The following FOXN3 variants were observed in gnomAD, a reference collection of about 807,000 sequenced individuals.
FOXN3 encodes the protein forkhead box N3.
A neutral mutation model predicts 38.4 loss-of-function variants in FOXN3; 7 were observed. That is an observed-to-expected ratio of 0.18 (90% CI 0.10 to 0.34). The LOEUF (loss-of-function observed/expected upper bound fraction) is 0.34. FOXN3 is among the 10% of genes least tolerant of loss of function. The pLI is 1.00. For missense variants in FOXN3, 456 were observed against 613.4 expected (o/e 0.74, Z 2.71); for synonymous variants, 230 against 242.2 (o/e 0.95, Z 0.47).
At chr14:89,251,216 A>ATTT (rs1262406392) in intron 4 of FOXN3, among the ~76,000 whole-genome samples, 1 of 152,140 alleles carries the variant, frequency 6.6e-6, no homozygotes, top group Non-Finnish European at 1.5e-5. Context: ...CCTTCTTCCC[A>ATTT]CATATCCTAC....
At chr14:89,266,910 G>C (rs183391909) in intron 4 of FOXN3, among the ~76,000 whole-genome samples, 1 of 152,254 alleles carries the variant, frequency 6.6e-6, no homozygotes, top group African/African-American at 2.4e-5. Context: ...ATTTGGCGAA[G>C]CTCACCCAGT....
rs201499409 is a variant in FOXN3, at chr14:89,518,737, T to C, written c.-15+100291A>G. On this transcript the variant is annotated intron_variant, in intron 1 of 6. Coordinates refer to the FOXN3 transcript ENST00000345097. ...TGGAATCAGGTCTTAAAGAATAAGT[T>C]CTGCTGTGGTGGCTCATGCCTGTAA... Among the ~76,000 whole-genome samples, 3 of 152,278 alleles carry C rather than the reference T, an allele frequency of 2.0e-5. No homozygotes were observed. In the East Asian group the frequency reaches 5.8e-4, roughly 29 times the overall value.
At chr14:89,312,951 C>A (rs989939575) in intron 3 of FOXN3, among the ~76,000 whole-genome samples, 1 of 152,122 alleles carries the variant, frequency 6.6e-6, no homozygotes, top group Non-Finnish European at 1.5e-5. Flanking sequence ...TCTCAAGAGG[C>A]CTGGGATTAC....
chr14:89,536,860 G>A (rs78361961), intron 1 of FOXN3, among the ~76,000 whole-genome samples: 3,113 of 152,160 alleles, frequency 0.02, 101 homozygotes, highest in African/African-American at 0.071. Context: ...CAAAAACAAT[G>A]GTTGTGCTGT....
intron 3 of FOXN3, among the ~76,000 whole-genome samples, chr14:89,336,778 A>C (rs1888474245): frequency 6.6e-6 from 1 of 152,256 alleles, no homozygotes; most frequent in South Asian, 2.1e-4. Flanking sequence ...TAAACAGCTT[A>C]CTTTCATAGT....
rs959609307 is a variant in FOXN3, at chr14:89,163,797, TAA to T, written c.852-830_852-829del. Among the ~76,000 whole-genome samples, 8 of 152,200 alleles carry T rather than the reference TAA, an allele frequency of 5.3e-5. No homozygotes were observed. The highest frequency in any genetic ancestry group is 1.9e-4 in the African/African-American group (8 of 41,444). ...GCCTGGAGAAGTTCAGTGATGTACTTAAAGTCACACAACTGATCACTTGCGGA... is the reference window on the plus strand; with the variant it reads ...GCCTGGAGAAGTTCAGTGATGTACTTAGTCACACAACTGATCACTTGCGGA... On this transcript the variant is annotated intron_variant, in intron 5 of 5. Coordinates refer to ENST00000557258, the MANE Select transcript of FOXN3 (RefSeq NM_005197.4). This position sits in a 1 kb window ranked among gnomAD's most constrained non-coding sequence, Gnocchi z 4.3.
intron 1 of FOXN3, among the ~76,000 whole-genome samples, chr14:89,453,772 T>C (rs1047634344): frequency 6.6e-6 from 1 of 152,122 alleles, no homozygotes; most frequent in East Asian, 1.9e-4. Flanking sequence ...TATCTGGCAA[T>C]GTGGATTATA....
At chr14:89,233,074 G>A (rs950705038) in intron 4 of FOXN3, among the ~76,000 whole-genome samples, 1 of 152,116 alleles carries the variant, frequency 6.6e-6, no homozygotes, top group Non-Finnish European at 1.5e-5. Flanking sequence ...AATTACATTC[G>A]AGGGCATCCG....
intron 1 of FOXN3, among the ~76,000 whole-genome samples, chr14:89,435,000 T>C (rs1317115672): frequency 1.3e-5 from 2 of 152,174 alleles, no homozygotes; most frequent in African/African-American, 2.4e-5. Flanking sequence ...GTTCAACAAT[T>C]AGCCAAGCAC....
intron 1 of FOXN3, among the ~76,000 whole-genome samples, chr14:89,434,377 GC>G (rs1892231046): frequency 6.6e-6 from 1 of 151,884 alleles, no homozygotes; most frequent in African/African-American, 2.4e-5. Context: ...ACAGGTGCCT[GC>G]CACCACACCC....
At chr14:89,200,328 A>G (rs1318926397) in intron 4 of FOXN3, among the ~76,000 whole-genome samples, 1 of 152,178 alleles carries the variant, frequency 6.6e-6, no homozygotes, top group Non-Finnish European at 1.5e-5. Context: ...ACTCGTGTAA[A>G]TTGCCCATCT....
chr14:89,571,436 G>A (rs1247363014), intron 1 of FOXN3, among the ~76,000 whole-genome samples: 3 of 151,876 alleles, frequency 2.0e-5, no homozygotes, highest in Admixed American at 2.0e-4. Flanking sequence ...TTGAACCTGG[G>A]AGGTGGAGGT....
At chr14:89,376,843 G>A (rs1219460456) in intron 2 of FOXN3, among the ~76,000 whole-genome samples, 2 of 151,442 alleles carry the variant, frequency 1.3e-5, no homozygotes, top group Admixed American at 6.6e-5. Context: ...GTGAAACCCC[G>A]TCTCTACTAA....
intron 4 of FOXN3, among the ~76,000 whole-genome samples, chr14:89,221,339 C>G (rs2139842730): frequency 6.6e-6 from 1 of 152,290 alleles, no homozygotes; most frequent in Admixed American, 6.5e-5. Context: ...TATCATGTAT[C>G]ACCACGGCAG....
chr14:89,459,976 C>T (rs723058), intron 1 of FOXN3, among the ~76,000 whole-genome samples: 5 of 152,146 alleles, frequency 3.3e-5, no homozygotes, highest in Admixed American at 3.3e-4. Flanking sequence ...CCGACAGCTG[C>T]TAAGGAATGC....
At position 89,382,275 on chromosome 14, in the gene FOXN3, C is replaced by T. The variant is rs553169105; in HGVS notation, c.543+29659G>A. On this transcript the variant is annotated intron_variant, in intron 2 of 5. Transcript: ENST00000557258. ...ACCTAATTCCATCCTTCATTATAAC[C>T]CGGCTGGACCGCTGACCCATCACTC... Among the ~76,000 whole-genome samples the T allele has an allele frequency of 2.0e-5, 3 of 152,098 alleles. No homozygotes were observed. The South Asian group carries it at 6.2e-4, about 32-fold the overall frequency.
intron 1 of FOXN3, among the ~76,000 whole-genome samples, chr14:89,454,452 T>G (rs1462892171): frequency 2.0e-5 from 3 of 152,264 alleles, no homozygotes; most frequent in Non-Finnish European, 4.4e-5. Flanking sequence ...AGCCACCTAG[T>G]TTATGGCATT....
chr14:89,540,578 C>CA (rs1046696787), intron 1 of FOXN3, among the ~76,000 whole-genome samples: 14 of 148,960 alleles, frequency 9.4e-5, no homozygotes, highest in Admixed American at 2.7e-4. Context: ...ACTAAAAATA[C>CA]AAAAAAAAAA....
intron 1 of FOXN3, among the ~76,000 whole-genome samples, chr14:89,488,810 G>A (rs1893507729): frequency 1.3e-5 from 2 of 152,106 alleles, no homozygotes. Context: ...GGGCCATTCT[G>A]CAAAGGGGCA....
Sources: gnomAD v4.1 joint callset for allele counts (sites outside exome capture counted in the v4.1 genomes callset) on GRCh38, gnomAD v4.1.1 for gene constraint, Gnocchi (gnomAD v3.1) non-coding constraint, MANE v1.5 for transcripts, NCBI Gene and HGNC (gene_info 2026-07-23, HGNC 2026-07-21) for gene names.